The following NRG3 variants were observed in gnomAD, a reference collection of about 807,000 sequenced individuals.
The protein encoded by NRG3 is neuregulin 3.
Under a neutral mutation model 66.9 loss-of-function variants are expected in NRG3, and 31 were observed. The ratio of observed to expected loss-of-function variants is 0.46; its 90% CI spans 0.35 to 0.63. The LOEUF is 0.63. Among genes scored for constraint, NRG3 ranks in the 20% least tolerant of loss-of-function variants. The probability of loss-of-function intolerance (pLI) is 0.00; values close to 1 mark genes in which losing one functional copy is unlikely to be tolerated. For synonymous variants in NRG3, 393 were observed against 359.4 expected (o/e 1.09, Z -1.06); for missense variants, 910 against 878.9 (o/e 1.04, Z -0.45).
At chr10:82,515,406 C>T (rs1845563706) in intron 2 of NRG3, among the ~76,000 whole-genome samples, 1 of 152,204 alleles carries the variant, frequency 6.6e-6, no homozygotes, top group South Asian at 2.1e-4. Flanking sequence ...ATTCTCCATA[C>T]AGATCAACCT....
At chr10:82,897,689 T>C (rs1843794197) in intron 4 of NRG3, among the ~76,000 whole-genome samples, 1 of 152,060 alleles carries the variant, frequency 6.6e-6, no homozygotes, top group Non-Finnish European at 1.5e-5. Flanking sequence ...CAGCTAATTG[T>C]TGTATTTTTT....
intron 1 of NRG3, among the ~76,000 whole-genome samples, chr10:82,261,195 G>T (rs904157810): frequency 1.3e-5 from 2 of 152,052 alleles, no homozygotes; most frequent in South Asian, 2.1e-4. Context: ...GAATCATGGG[G>T]GTGGTTTCCT....
At chr10:82,209,366 G>A (rs1208982691) in intron 1 of NRG3, among the ~76,000 whole-genome samples, 1 of 151,904 alleles carries the variant, frequency 6.6e-6, no homozygotes, top group Non-Finnish European at 1.5e-5. Context: ...CAAAAGAAAC[G>A]TCATATTTTC....
chr10:82,272,619 C>A (rs7894996), intron 1 of NRG3, among the ~76,000 whole-genome samples: 70,720 of 151,852 alleles, frequency 0.47, 20,210 homozygotes, highest in African/African-American at 0.81. Context: ...GGGTTTACGC[C>A]TTTCTACTTT....
At position 82,399,237 on chromosome 10, in the gene NRG3, G is replaced by T. The variant is rs577415256; in HGVS notation, c.953+40369G>T. The stretch of plus-strand genomic sequence containing the variant: ...TGACTACTGCTATGATGAAAGACAG[G>T]ATAATTTTTTTATTTGTTCTAGACG... On this transcript the variant is annotated intron_variant, in intron 2 of 8. Coordinates refer to ENST00000372141, the MANE Select transcript of NRG3 (RefSeq NM_001010848.4). Among the ~76,000 whole-genome samples the T allele has an allele frequency of 3.4e-3, 511 of 152,204 alleles. 1 individual carries two copies. The highest frequency in any genetic ancestry group is 0.02 in the Middle Eastern group (6 of 294).
intron 1 of NRG3, among the ~76,000 whole-genome samples, chr10:82,189,030 A>AAAAAGCC (rs1367161581): frequency 6.6e-6 from 1 of 152,212 alleles, no homozygotes; most frequent in African/African-American, 2.4e-5. Flanking sequence ...GCCATGAAAT[A>AAAAAGCC]ATTAAGTAAA....
intron 1 of NRG3, among the ~76,000 whole-genome samples, chr10:82,170,478 T>C (rs777499148): frequency 4.6e-5 from 7 of 151,644 alleles, no homozygotes; most frequent in Non-Finnish European, 1.0e-4. Context: ...CCTGGGTATT[T>C]ATTTTCTCCA....
intron 2 of NRG3, among the ~76,000 whole-genome samples, chr10:82,728,515 A>G (rs1205867668): frequency 2.6e-5 from 4 of 152,212 alleles, no homozygotes; most frequent in South Asian, 2.1e-4. Flanking sequence ...GCCTTCTGCC[A>G]TGATTGTGAG....
At chr10:82,084,055 C>A (rs565846228) in intron 1 of NRG3, among the ~76,000 whole-genome samples, 108 of 151,672 alleles carry the variant, frequency 7.1e-4, no homozygotes, top group African/African-American at 2.4e-3. Context: ...TGGCGAAATC[C>A]CATCTCTACT....
At chr10:82,866,491 A>G (rs1199120829) in intron 4 of NRG3, among the ~76,000 whole-genome samples, 3 of 152,154 alleles carry the variant, frequency 2.0e-5, no homozygotes, top group Non-Finnish European at 2.9e-5. Context: ...TGGTGTTCCC[A>G]GTTGTATGGT....
At chr10:81,964,737 A>G (rs1325793145) in intron 1 of NRG3, among the ~76,000 whole-genome samples, 3 of 152,192 alleles carry the variant, frequency 2.0e-5, no homozygotes, top group South Asian at 4.1e-4. Flanking sequence ...GGCCTCATCA[A>G]TGATGGCTTT....
At chr10:82,056,019 C>T (rs2063831353) in intron 1 of NRG3, among the ~76,000 whole-genome samples, 1 of 152,140 alleles carries the variant, frequency 6.6e-6, no homozygotes, top group Admixed American at 6.5e-5. Flanking sequence ...TCTTCCCAGG[C>T]AGTTTCGAAG....
chr10:82,557,364 G>T (rs1035753002), intron 2 of NRG3, among the ~76,000 whole-genome samples: 3 of 152,052 alleles, frequency 2.0e-5, no homozygotes, highest in Non-Finnish European at 4.4e-5. Context: ...CTGTGATTTT[G>T]ATTTGCATAT....
chr10:82,649,245 C>G (rs1012556655), intron 2 of NRG3, among the ~76,000 whole-genome samples: 2 of 152,048 alleles, frequency 1.3e-5, no homozygotes, highest in Admixed American at 1.3e-4. Flanking sequence ...AAAGAGACAC[C>G]CCTCTACCTC....
intron 1 of NRG3, among the ~76,000 whole-genome samples, chr10:82,239,711 CATAAAG>C (rs780877398): frequency 3.3e-5 from 5 of 152,018 alleles, no homozygotes; most frequent in Non-Finnish European, 5.9e-5. Context: ...TCCTCCAAGT[CATAAAG>C]ATATTTTCTC....
chr10:82,637,324 GA>G (rs2050268656), intron 2 of NRG3, among the ~76,000 whole-genome samples: 1 of 152,006 alleles, frequency 6.6e-6, no homozygotes, highest in Non-Finnish European at 1.5e-5. Flanking sequence ...AAATGACATA[GA>G]AAAAAGAATT....
At chr10:82,480,600 A>G (rs770731820) in intron 2 of NRG3, among the ~76,000 whole-genome samples, 1 of 152,214 alleles carries the variant, frequency 6.6e-6, no homozygotes, top group Admixed American at 6.5e-5. Flanking sequence ...TTTACATTAC[A>G]TATTGGCATC....
At chr10:81,950,647 C>G (rs1849268144) in intron 1 of NRG3, among the ~76,000 whole-genome samples, 1 of 152,136 alleles carries the variant, frequency 6.6e-6, no homozygotes. Flanking sequence ...TTTTGTGTAT[C>G]TATGGATATC....
chr10:82,096,202 C>T (rs1483716905), intron 1 of NRG3, among the ~76,000 whole-genome samples: 7 of 152,026 alleles, frequency 4.6e-5, no homozygotes, highest in East Asian at 1.9e-4. Context: ...CATGGCTGGG[C>T]ACAGTGGCTC....
Sources: allele counts gnomAD v4.1 joint callset (sites outside exome capture counted in the v4.1 genomes callset), GRCh38; gene constraint gnomAD v4.1.1; transcripts MANE v1.5; gene names NCBI Gene and HGNC (gene_info 2026-07-23, HGNC 2026-07-21).